ARB2A: variants seen among roughly 807,000 people sequenced by gnomAD.
The protein encoded by ARB2A is cotranscriptional regulator ARB2A.
At chr5:94,087,689 GC>G in the ARB2A span, among the ~76,000 whole-genome samples, 1 of 152,182 alleles carries the variant, frequency 6.6e-6, no homozygotes, top group Non-Finnish European at 1.5e-5. Flanking sequence ...AGGCCTGCAA[GC>G]TCCATTAAGT....
the ARB2A span, among the ~76,000 whole-genome samples, chr5:93,890,328 T>C: frequency 1.3e-5 from 2 of 151,624 alleles, no homozygotes; most frequent in Non-Finnish European, 1.5e-5. Context: ...AATACATTAT[T>C]TACCACGTAA....
the ARB2A span, among the ~76,000 whole-genome samples, chr5:93,717,296 T>C: frequency 6.6e-6 from 1 of 152,188 alleles, no homozygotes; most frequent in African/African-American, 2.4e-5. Flanking sequence ...ATGCTGAGAA[T>C]GAGGTAGGAG....
the ARB2A span, among the ~76,000 whole-genome samples, chr5:94,063,547 G>A: frequency 9.2e-5 from 14 of 152,118 alleles, no homozygotes; most frequent in African/African-American, 2.4e-4. Flanking sequence ...GCCACCTAGA[G>A]ATCCAACAAT....
chr5:93,775,640 T>A, the ARB2A span, among the ~76,000 whole-genome samples: 1 of 152,374 alleles, frequency 6.6e-6, no homozygotes, highest in African/African-American at 2.4e-5. Context: ...CCATTCCTGC[T>A]GTTGCTCCTT....
chr5:93,973,949 T>C, the ARB2A span, among the ~76,000 whole-genome samples: 11 of 152,276 alleles, frequency 7.2e-5, no homozygotes, highest in South Asian at 1.5e-3. Flanking sequence ...ACAAAACACA[T>C]GCAAGCACAT....
At chr5:93,789,986 A>C in the ARB2A span, among the ~76,000 whole-genome samples, 2 of 152,226 alleles carry the variant, frequency 1.3e-5, no homozygotes, top group African/African-American at 4.8e-5. Flanking sequence ...CCTGCAGTTC[A>C]CACCTCTAAT....
the ARB2A span, among the ~76,000 whole-genome samples, chr5:93,977,775 T>A: frequency 6.6e-6 from 1 of 152,140 alleles, no homozygotes; most frequent in Non-Finnish European, 1.5e-5. Context: ...TGGGACCTAA[T>A]TAAACTACAG....
At chr5:94,087,406 T>TA in the ARB2A span, among the ~76,000 whole-genome samples, 2 of 151,238 alleles carry the variant, frequency 1.3e-5, no homozygotes, top group South Asian at 2.1e-4. Flanking sequence ...TCCCATCTCT[T>TA]AAAAAAAAAT....
At chr5:93,782,026 T>C in the ARB2A span, 1 of 643,302 alleles carries the variant, frequency 1.6e-6, no homozygotes, top group South Asian at 6.9e-5. Flanking sequence ...ACTGGACTCT[T>C]ATCTTGCCAA....
chr5:93,968,063 A>G, the ARB2A span, among the ~76,000 whole-genome samples: 1 of 152,244 alleles, frequency 6.6e-6, no homozygotes, highest in African/African-American at 2.4e-5. Flanking sequence ...CAATAAACAC[A>G]ATCTAATGCC....
chr5:93,999,157 C>T, the ARB2A span, among the ~76,000 whole-genome samples: 1 of 151,546 alleles, frequency 6.6e-6, no homozygotes, highest in Non-Finnish European at 1.5e-5. Flanking sequence ...CACTGAAAGG[C>T]ATTTTTTTTT....
the ARB2A span, among the ~76,000 whole-genome samples, chr5:93,777,486 T>C: frequency 6.6e-6 from 1 of 152,162 alleles, no homozygotes; most frequent in Non-Finnish European, 1.5e-5. Context: ...ATTTGAAGTC[T>C]GGCTAAAAAT....
the ARB2A span, among the ~76,000 whole-genome samples, chr5:93,830,647 T>A: frequency 6.6e-6 from 1 of 151,980 alleles, no homozygotes; most frequent in African/African-American, 2.4e-5. Flanking sequence ...ATTTGTCTCA[T>A]TCTTTCCAGT....
the ARB2A span, among the ~76,000 whole-genome samples, chr5:93,653,511 C>CAA: frequency 3.3e-3 from 104 of 31,430 alleles, 19 homozygotes; most frequent in Non-Finnish European, 5.2e-3. Flanking sequence ...GACTCCGTCT[C>CAA]AAAAAAAAAA....
the ARB2A span, among the ~76,000 whole-genome samples, chr5:93,938,009 C>T: frequency 6.6e-6 from 1 of 152,148 alleles, no homozygotes; most frequent in African/African-American, 2.4e-5. Flanking sequence ...GTGGCACCCA[C>T]AGATGCAAAA....
the ARB2A span, among the ~76,000 whole-genome samples, chr5:93,661,590 C>T: frequency 1.3e-5 from 2 of 151,754 alleles, no homozygotes; most frequent in African/African-American, 2.4e-5. Context: ...CTGTGCCACA[C>T]TGGAAGAAGA....
At chr5:93,839,988 T>A in the ARB2A span, among the ~76,000 whole-genome samples, 2 of 152,170 alleles carry the variant, frequency 1.3e-5, no homozygotes, top group Non-Finnish European at 2.9e-5. Flanking sequence ...TCATTGATCA[T>A]TTGTATGGTT....
the ARB2A span, among the ~76,000 whole-genome samples, chr5:94,092,257 G>C: frequency 1.3e-5 from 2 of 152,090 alleles, no homozygotes; most frequent in African/African-American, 2.4e-5. Flanking sequence ...GAGGTGGTAG[G>C]ATTGCTTGAG....
chr5:93,740,444 G>T, the ARB2A span: 1 of 962,114 alleles, frequency 1.0e-6, no homozygotes, highest in Non-Finnish European at 1.5e-6. Flanking sequence ...TCCCTACTAT[G>T]TATCCTTAAC....
Sources: gnomAD v4.1 joint callset for allele counts (sites outside exome capture counted in the v4.1 genomes callset) on GRCh38, gnomAD v4.1.1 for gene constraint, MANE v1.5 for transcripts, NCBI Gene and HGNC (gene_info 2026-07-23, HGNC 2026-07-21) for gene names.